PPP3CA: variants seen among roughly 807,000 people sequenced by gnomAD.
PPP3CA encodes the protein protein phosphatase 3 catalytic subunit alpha, also known as CAM-PRP catalytic subunit.
Under a neutral mutation model 66.5 loss-of-function variants are expected in PPP3CA, and 14 were observed. That is an observed-to-expected ratio of 0.21 (90% confidence interval 0.14 to 0.33). The LOEUF (loss-of-function observed/expected upper bound fraction) is 0.33, where lower values mean the gene tolerates loss of function less well. Among genes scored for constraint, PPP3CA ranks in the 10% least tolerant of loss-of-function variants. The pLI, the probability that PPP3CA is intolerant of heterozygous loss-of-function variation, is 1.00. For missense variants in PPP3CA, 317 were observed against 639.5 expected (o/e 0.50, Z 5.44); for synonymous variants, 232 against 226.2 (o/e 1.03, Z -0.23).
Position 101,106,448 on chromosome 4 carries a change from A to AGAAG in PPP3CA, c.384+2505_384+2506insCTTC, listed in dbSNP as rs1730717989. 6.2e-4 allele frequency among the ~76,000 whole-genome samples: 7 copies of AGAAG among 11,360 alleles called. 3 individuals are homozygous for AGAAG. Among genetic ancestry groups the AGAAG allele is most frequent in the African/African-American group, 2.5e-3 (7 of 2,806 alleles). The allele number at this position is 11,360 out of a possible 152,430, so 7.5% of individuals were successfully genotyped here. A position where few individuals can be genotyped will look rare whatever the true frequency, so the allele number is the denominator to read the frequency against. On this transcript the variant is annotated intron_variant, in intron 3 of 13. Coordinates refer to ENST00000394854, the MANE Select transcript of PPP3CA (RefSeq NM_000944.5). ...AAGAAAGAAAGAAAGAAAGAAAGAA[A>AGAAG]GAAAGAGAAAAGAAAAGAAAAGAAA...
At chr4:101,226,440 T>C (rs1213426591) in intron 1 of PPP3CA, among the ~76,000 whole-genome samples, 1 of 151,742 alleles carries the variant, frequency 6.6e-6, no homozygotes, top group Non-Finnish European at 1.5e-5. Context: ...ACACAAATGG[T>C]CTAAGTCAGA....
chr4:101,044,000 T>C (rs1419740941), intron 10 of PPP3CA, among the ~76,000 whole-genome samples: 1 of 152,200 alleles, frequency 6.6e-6, no homozygotes, highest in East Asian at 1.9e-4. Context: ...ATTAAACTAT[T>C]CTCTAAATGT....
Position 101,073,540 on chromosome 4 carries a change from G to T in PPP3CA, c.955+6992C>A, listed in dbSNP as rs184410973. 1.1e-3 allele frequency among the ~76,000 whole-genome samples: 161 copies of T among 152,156 alleles called. 2 individuals are homozygous for T. Among genetic ancestry groups the T allele is most frequent in the Middle Eastern group, 3.4e-3 (1 of 294 alleles). On this transcript the variant is annotated intron_variant, in intron 8 of 13. Transcript: ENST00000394854. ...TCTGCCCGCCTCAGCCTCTCAAAGT[G>T]CTGGGATGCACACGGCCTATGTACC...
chr4:101,241,039 TAA>T (rs1452476421), intron 1 of PPP3CA, among the ~76,000 whole-genome samples: 1 of 152,044 alleles, frequency 6.6e-6, no homozygotes, highest in Non-Finnish European at 1.5e-5. Flanking sequence ...GGCTAATTTT[TAA>T]TTTTTTGTAG....
chr4:101,311,349 A>G (rs1039778470), intron 1 of PPP3CA, among the ~76,000 whole-genome samples: 1 of 152,186 alleles, frequency 6.6e-6, no homozygotes, highest in African/African-American at 2.4e-5. Context: ...TGATAGTATT[A>G]TCCCTATTTA....
chr4:101,282,278 A>G (rs1451220691), intron 1 of PPP3CA, among the ~76,000 whole-genome samples: 1 of 152,194 alleles, frequency 6.6e-6, no homozygotes, highest in Admixed American at 6.5e-5. Context: ...GGCAACAGAA[A>G]AAAACTACAG....
At chr4:101,120,377 T>C (rs572830775) in intron 2 of PPP3CA, among the ~76,000 whole-genome samples, 2 of 152,050 alleles carry the variant, frequency 1.3e-5, no homozygotes, top group South Asian at 4.1e-4. Flanking sequence ...ATATAAACAA[T>C]GGTACTGAAA....
intron 1 of PPP3CA, among the ~76,000 whole-genome samples, chr4:101,263,972 C>A (rs574297169): frequency 6.6e-6 from 1 of 152,212 alleles, no homozygotes; most frequent in East Asian, 1.9e-4. Flanking sequence ...AAAAAGGGTG[C>A]CTTAACTCCG....
chr4:101,143,019 C>T (rs1371898770), intron 2 of PPP3CA, among the ~76,000 whole-genome samples: 2 of 152,164 alleles, frequency 1.3e-5, no homozygotes, highest in African/African-American at 2.4e-5. Context: ...TTCCCAGCCA[C>T]CCTTTCAGGA....
At chr4:101,333,270 GTT>G (rs70961788) in intron 1 of PPP3CA, among the ~76,000 whole-genome samples, 1 of 47,242 alleles carries the variant, frequency 2.1e-5, no homozygotes, top group Non-Finnish European at 5.0e-5. Context: ...ACCATGCCCA[GTT>G]TTTTTTTTTT....
At chr4:101,266,051 T>C (rs1236681816) in intron 1 of PPP3CA, among the ~76,000 whole-genome samples, 2 of 152,178 alleles carry the variant, frequency 1.3e-5, no homozygotes, top group African/African-American at 2.4e-5. Flanking sequence ...AAAGAGGAAG[T>C]AAAATAATTT....
chr4:101,213,098 T>C (rs1391903633), intron 1 of PPP3CA, among the ~76,000 whole-genome samples: 1 of 152,142 alleles, frequency 6.6e-6, no homozygotes, highest in East Asian at 1.9e-4. Context: ...AGTTAGTTCA[T>C]GCAAACATGA....
At chr4:101,261,892 A>T (rs1727020953) in intron 1 of PPP3CA, among the ~76,000 whole-genome samples, 1 of 152,044 alleles carries the variant, frequency 6.6e-6, no homozygotes, top group African/African-American at 2.4e-5. Flanking sequence ...AGAAATAATC[A>T]AGCATTAATG....
intron 1 of PPP3CA, among the ~76,000 whole-genome samples, chr4:101,265,995 C>T (rs188980988): frequency 2.5e-4 from 38 of 152,244 alleles, no homozygotes; most frequent in Non-Finnish European, 5.4e-4. Context: ...CATGTTACTG[C>T]CTGTGGATGA....
At chr4:101,203,508 A>G (rs573781146) in intron 1 of PPP3CA, among the ~76,000 whole-genome samples, 1 of 152,272 alleles carries the variant, frequency 6.6e-6, no homozygotes, top group East Asian at 1.9e-4. Flanking sequence ...AAAACAAACA[A>G]ACAAACAAAA....
At chr4:101,313,862 G>A (rs1260652757) in intron 1 of PPP3CA, among the ~76,000 whole-genome samples, 1 of 152,128 alleles carries the variant, frequency 6.6e-6, no homozygotes, top group Non-Finnish European at 1.5e-5. Flanking sequence ...TGTTTAAGTG[G>A]TTGTGAATAT....
chr4:101,066,492 T>C (rs796723466), intron 8 of PPP3CA, among the ~76,000 whole-genome samples: 1 of 152,178 alleles, frequency 6.6e-6, no homozygotes, highest in Non-Finnish European at 1.5e-5. Flanking sequence ...TCAGTAGTTC[T>C]ATAGGTTATA....
At chr4:101,037,583 G>GTT (rs142106400) in intron 11 of PPP3CA, among the ~76,000 whole-genome samples, 2 of 146,196 alleles carry the variant, frequency 1.4e-5, no homozygotes, top group African/African-American at 5.0e-5. Context: ...TTCCTAAATG[G>GTT]TTTTTTTTTT....
chr4:101,250,267 A>C (rs72681079), intron 1 of PPP3CA: 16 of 442,878 alleles, frequency 3.6e-5, no homozygotes, highest in Non-Finnish European at 6.3e-5. Flanking sequence ...AATGCCTAGG[A>C]TTTACAGTCA....
Sources: gnomAD v4.1 joint callset for allele counts (sites outside exome capture counted in the v4.1 genomes callset) on GRCh38, gnomAD v4.1.1 for gene constraint, MANE v1.5 for transcripts, NCBI Gene and HGNC (gene_info 2026-07-23, HGNC 2026-07-21) for gene names.